The following SPIRE1 variants were observed in gnomAD, a reference collection of about 807,000 sequenced individuals.
SPIRE1 encodes spire type actin nucleation factor 1.
A neutral mutation model predicts 94.1 loss-of-function variants in SPIRE1; 40 were observed. The ratio of observed to expected loss-of-function variants is 0.43; its 90% confidence interval spans 0.33 to 0.55. The LOEUF is 0.55. Ranked by LOEUF, SPIRE1 falls within the 20% of genes least tolerant of loss-of-function variation. The pLI, the probability that SPIRE1 is intolerant of heterozygous loss-of-function variation, is 0.06. For missense variants in SPIRE1, 838 were observed against 975.2 expected (o/e 0.86, Z 1.87); for synonymous variants, 376 against 371.7 (o/e 1.01, Z -0.13).
chr18:12,461,079 C>T lies in SPIRE1; in HGVS notation c.1638+2272G>A, dbSNP rs375156324. ...AGTTTATCTTGCTCTCCTTCCTGCT[C>T]CACAAAAAAACAGTGCACGGCCTGA... On this transcript the variant is annotated intron_variant, in intron 12 of 16. Coordinates refer to ENST00000409402, the MANE Select transcript of SPIRE1 (RefSeq NM_001128626.2). 5.9e-5 allele frequency among the ~76,000 whole-genome samples: 9 copies of T among 152,128 alleles called. No individual in the cohort carries two copies. The East Asian group carries it at 1.7e-3, about 29-fold the overall frequency.
At chr18:12,536,708 T>C (rs1176937838) in intron 3 of SPIRE1, among the ~76,000 whole-genome samples, 3 of 152,168 alleles carry the variant, frequency 2.0e-5, no homozygotes, top group Non-Finnish European at 4.4e-5. Context: ...CTTAGTATCA[T>C]GCAAAGCAAT....
At chr18:12,515,851 G>A (rs1289136142) in intron 4 of SPIRE1, among the ~76,000 whole-genome samples, 3 of 152,096 alleles carry the variant, frequency 2.0e-5, no homozygotes, top group South Asian at 2.1e-4. Flanking sequence ...CTGTGGGATC[G>A]GCTGAGGCCT....
chr18:12,620,896 T>C (rs1214342816), intron 2 of SPIRE1, among the ~76,000 whole-genome samples: 14 of 151,936 alleles, frequency 9.2e-5, no homozygotes, highest in Admixed American at 7.9e-4. Context: ...TGGCAAATCA[T>C]GTATGTGATA....
intron 2 of SPIRE1, among the ~76,000 whole-genome samples, chr18:12,624,167 C>T (rs1019977526): frequency 3.9e-5 from 6 of 151,986 alleles, no homozygotes; most frequent in African/African-American, 1.2e-4. Context: ...GGTGATCCGC[C>T]CGCCTCGGCC....
intron 2 of SPIRE1, among the ~76,000 whole-genome samples, chr18:12,561,647 T>C (rs889589317): frequency 1.1e-4 from 17 of 152,340 alleles, no homozygotes; most frequent in African/African-American, 3.6e-4. Flanking sequence ...CAGTCTCTTA[T>C]CTAAAATCTT....
chr18:12,477,766 C>T (rs941243742), intron 10 of SPIRE1, among the ~76,000 whole-genome samples: 4 of 152,050 alleles, frequency 2.6e-5, no homozygotes, highest in East Asian at 1.9e-4. Context: ...AGGGGCAGAC[C>T]GCAGACACAG....
chr18:12,525,294 A>T lies in SPIRE1; in HGVS notation c.729+10182T>A, dbSNP rs1352280504. The stretch of plus-strand genomic sequence containing the variant: ...TCCGTCTCAAAAAAAAAAAAAAAAA[A>T]AAAATAATAATAATAATAATAATAA... On this transcript the variant is annotated intron_variant, in intron 4 of 16. Coordinates refer to ENST00000409402, the MANE Select transcript of SPIRE1 (RefSeq NM_001128626.2). Among the ~76,000 whole-genome samples the T allele has an allele frequency of 2.3e-3, 340 of 145,854 alleles. 2 individuals are homozygous for T. The highest frequency in any genetic ancestry group is 8.1e-3 in the African/African-American group (323 of 39,944).
chr18:12,506,347 C>T, intron 6 of SPIRE1, 130 bp downstream of exon 6: 1 of 767,558 alleles, frequency 1.3e-6, no homozygotes, highest in East Asian at 2.5e-5. Flanking sequence ...TTGGTACAGA[C>T]AGGGATTCAC....
intron 8 of SPIRE1, among the ~76,000 whole-genome samples, chr18:12,491,190 G>T (rs144133734): frequency 6.1e-5 from 9 of 147,400 alleles, no homozygotes. Flanking sequence ...TTCATGAATT[G>T]AAAGACTTAC....
chr18:12,533,387 A>T (rs2034744100), intron 4 of SPIRE1, among the ~76,000 whole-genome samples: 1 of 152,250 alleles, frequency 6.6e-6, no homozygotes, highest in African/African-American at 2.4e-5. Flanking sequence ...TATCTTGCAA[A>T]GCAAAATTTT....
chr18:12,522,459 A>C (rs1189724582), intron 4 of SPIRE1, among the ~76,000 whole-genome samples: 1 of 152,252 alleles, frequency 6.6e-6, no homozygotes, highest in Non-Finnish European at 1.5e-5. Context: ...GTGAAGCAGC[A>C]AGTGCTGAAT....
intron 2 of SPIRE1, among the ~76,000 whole-genome samples, chr18:12,614,798 G>T (rs953790872): frequency 1.3e-5 from 2 of 151,882 alleles, no homozygotes; most frequent in African/African-American, 4.8e-5. Flanking sequence ...AGCCTGGGCA[G>T]CAAGAGCAAG....
intron 1 of SPIRE1, among the ~76,000 whole-genome samples, chr18:12,655,026 CA>C (rs71371285): frequency 3.1e-4 from 42 of 137,624 alleles, no homozygotes; most frequent in Admixed American, 5.3e-4. Context: ...GACTCCATCT[CA>C]AAAAAAAAAA....
intron 2 of SPIRE1, among the ~76,000 whole-genome samples, chr18:12,577,294 C>A (rs990511967): frequency 1.3e-5 from 2 of 151,954 alleles, no homozygotes; most frequent in African/African-American, 4.8e-5. Context: ...ACTACAGGCG[C>A]CCGCCACCAC....
chr18:12,602,573 A>C (rs2036866540), intron 2 of SPIRE1, among the ~76,000 whole-genome samples: 1 of 152,090 alleles, frequency 6.6e-6, no homozygotes, highest in Non-Finnish European at 1.5e-5. Flanking sequence ...GAAATCAGTA[A>C]CTCTGTGGCG....
At position 12,657,584 on chromosome 18, in the gene SPIRE1, C is replaced by T; in HGVS notation, c.283G>A (p.Ala95Thr). The T allele has an allele frequency of 1.0e-5, 13 of 1,245,294 alleles. No individual in the cohort carries two copies. Among genetic ancestry groups the T allele is most frequent in the Non-Finnish European group, 1.3e-5 (13 of 995,998 alleles). 77.1% of individuals were successfully genotyped at this position (1,245,294 alleles called of 1,614,324 possible). A position where few individuals can be genotyped will look rare whatever the true frequency, so the allele number is the denominator to read the frequency against. The change falls in exon 1 of 17, where the codon GCC becomes ACC. Residue 95 changes from alanine to threonine, a missense_variant. Around this residue, in one of 2 missense-constraint regions of SPIRE1, gnomAD observed 193 missense variants for 170.5 expected, o/e 1.13. Coordinates refer to ENST00000409402, the MANE Select transcript of SPIRE1 (RefSeq NM_001128626.2). ...AAQIRVWRDG[A>T]VTLAPAADDA... ...TCGGCCGCGGGCGCCAGGGTGACGG[C>T]GCCGTCCCTCCAGACGCGGATCTGC...
chr18:12,464,677 G>C (rs1568186360), intron 11 of SPIRE1, among the ~76,000 whole-genome samples, 191 bp downstream of exon 11: 1 of 152,182 alleles, frequency 6.6e-6, no homozygotes, highest in East Asian at 1.9e-4. Context: ...TGCCTGCTCT[G>C]TCATAAGACC....
rs149716527 is a variant in SPIRE1 at position 12,595,788 on chromosome 18, G to T, written c.372+39274C>A. Among the ~76,000 whole-genome samples the T allele has an allele frequency of 2.6e-3, 390 of 152,300 alleles. 2 individuals are homozygous for T. The highest frequency in any genetic ancestry group is 9.1e-3 in the African/African-American group (379 of 41,562). The stretch of plus-strand genomic sequence containing the variant: ...CTGTGGTGAGGTAACTGTTAACAGA[G>T]ATATCACAAAATACTATGGAAGTAC... On this transcript the variant is annotated intron_variant, in intron 2 of 16. Coordinates refer to ENST00000409402, the MANE Select transcript of SPIRE1 (RefSeq NM_001128626.2).
At chr18:12,567,281 G>A (rs1456267007) in intron 2 of SPIRE1, among the ~76,000 whole-genome samples, 2 of 152,076 alleles carry the variant, frequency 1.3e-5, no homozygotes, top group Non-Finnish European at 2.9e-5. Context: ...TACAAGATCT[G>A]TATAAGGAAA....
Sources: allele counts gnomAD v4.1 joint callset (sites outside exome capture counted in the v4.1 genomes callset), GRCh38; gene constraint gnomAD v4.1.1; regional missense constraint gnomAD v4.1.1; transcripts MANE v1.5; gene names NCBI Gene and HGNC (gene_info 2026-07-23, HGNC 2026-07-21).